Variants in ERO1B observed in about 807,000 individuals in gnomAD.
ERO1B encodes the protein endoplasmic reticulum oxidoreductase 1 beta.
ERO1B carries 49 observed loss-of-function variants against 75.3 expected under a neutral mutation model. That is an observed-to-expected ratio of 0.65 (90% CI 0.52 to 0.83). The LOEUF (loss-of-function observed/expected upper bound fraction) is 0.83. ERO1B is among the 40% of genes least tolerant of loss of function. ERO1B has a pLI of 0.00. For synonymous variants in ERO1B, 191 were observed against 192.9 expected (o/e 0.99, Z 0.08); for missense variants, 512 against 560.1 (o/e 0.91, Z 0.87).
chr1:236,233,263 C>T (rs1376493361), intron 8 of ERO1B, among the ~76,000 whole-genome samples: 3 of 149,896 alleles, frequency 2.0e-5, no homozygotes, highest in Middle Eastern at 7.0e-3. Flanking sequence ...GAGCCAAGAT[C>T]GCGCCATTGC....
intron 13 of ERO1B, 88 bp from the exon 14 acceptor site, chr1:236,222,098 T>A: frequency 1.0e-6 from 1 of 960,236 alleles, no homozygotes; most frequent in Non-Finnish European, 1.6e-6. Flanking sequence ...TGATGCTTAT[T>A]AATAAATCAG....
At chr1:236,223,202 CAAAAAAAAAAAAA>C (rs11322079) in intron 13 of ERO1B, among the ~76,000 whole-genome samples, 3 of 80,928 alleles carry the variant, frequency 3.7e-5, no homozygotes, top group African/African-American at 1.4e-4. Context: ...AACTCTGTCT[CAAAAAAAAAAAAA>C]AAAAAAAAAG....
intron 9 of ERO1B, among the ~76,000 whole-genome samples, chr1:236,231,429 G>A (rs1664404798): frequency 6.6e-6 from 1 of 150,806 alleles, no homozygotes; most frequent in South Asian, 2.1e-4. Flanking sequence ...CCAAAAAAAT[G>A]GTATGTGAGC....
chr1:236,253,837 G>A (rs1001342586), intron 2 of ERO1B, among the ~76,000 whole-genome samples: 6 of 152,138 alleles, frequency 3.9e-5, no homozygotes, highest in African/African-American at 7.2e-5. Context: ...GGTAGGCTAT[G>A]GGGGGAAAAT....
At position 236,270,706 on chromosome 1, in the gene ERO1B, C is replaced by A. The variant is rs1042323473; in HGVS notation, c.103-712G>T. ...GGAACTCATTGACTGATATGCACAA[C>A]CTGGATTTATCTTCCAGGAATTATC... On this transcript the variant is annotated intron_variant, in intron 1 of 15. Coordinates refer to ENST00000354619, the MANE Select transcript of ERO1B (RefSeq NM_019891.4). Among the ~76,000 whole-genome samples the A allele has an allele frequency of 2.0e-5, 3 of 152,138 alleles. No individual in the cohort carries two copies. In the East Asian group the frequency reaches 5.8e-4, roughly 29 times the overall value.
intron 1 of ERO1B, among the ~76,000 whole-genome samples, chr1:236,273,299 G>A (rs1665638829): frequency 1.3e-5 from 2 of 152,166 alleles, no homozygotes; most frequent in African/African-American, 4.8e-5. Flanking sequence ...ATGCAACCTT[G>A]CTGACATCTT....
chr1:236,262,316 T>A (rs1665310347), intron 2 of ERO1B, among the ~76,000 whole-genome samples: 1 of 152,212 alleles, frequency 6.6e-6, no homozygotes, highest in Admixed American at 6.5e-5. Context: ...GATCCTTACC[T>A]CATACAAAAA....
chr1:236,267,289 T>C (rs1204028776), intron 2 of ERO1B, among the ~76,000 whole-genome samples: 1 of 152,164 alleles, frequency 6.6e-6, no homozygotes, highest in Non-Finnish European at 1.5e-5. Flanking sequence ...AGCTACTTCA[T>C]ATCTTTTCTT....
chr1:236,257,569 AAAAG>A (rs1665186949), intron 2 of ERO1B, among the ~76,000 whole-genome samples: 3 of 151,796 alleles, frequency 2.0e-5, no homozygotes, highest in South Asian at 4.2e-4. Context: ...CCAAAAAAAA[AAAAG>A]AACAAGACAA....
intron 13 of ERO1B, among the ~76,000 whole-genome samples, chr1:236,222,265 G>A (rs577739808): frequency 1.9e-4 from 29 of 152,128 alleles, no homozygotes; most frequent in Admixed American, 1.0e-3. Context: ...GGCGCATGCC[G>A]CCATGCCCAG....
chr1:236,268,635 C>T (rs915701346), intron 2 of ERO1B, among the ~76,000 whole-genome samples: 1 of 152,004 alleles, frequency 6.6e-6, no homozygotes, highest in Non-Finnish European at 1.5e-5. Context: ...GCCTGTAATC[C>T]CAGCACTTTG....
chr1:236,222,059 C>A (rs868285287), intron 13 of ERO1B, 49 bp from the exon 14 acceptor site: 1 of 1,408,186 alleles, frequency 7.1e-7, no homozygotes, highest in Middle Eastern at 1.8e-4. Flanking sequence ...TAAAATTGAA[C>A]CGCATTTGGC....
At chr1:236,231,948 A>G (rs915701313) in intron 9 of ERO1B, among the ~76,000 whole-genome samples, 4 of 152,116 alleles carry the variant, frequency 2.6e-5, no homozygotes, top group African/African-American at 9.7e-5. Flanking sequence ...CTACCACTAA[A>G]AGGGTCTCTT....
chr1:236,243,139 G>A (rs929262913), intron 6 of ERO1B, among the ~76,000 whole-genome samples: 12 of 152,292 alleles, frequency 7.9e-5, no homozygotes, highest in Admixed American at 7.2e-4. Context: ...TTGCTATTGT[G>A]TGATCTTGGG....
At chr1:236,274,729 G>T (rs1467546657) in intron 1 of ERO1B, among the ~76,000 whole-genome samples, 1 of 140,062 alleles carries the variant, frequency 7.1e-6, no homozygotes, top group African/African-American at 2.5e-5. Flanking sequence ...AAGTGCTGGG[G>T]ATATAAAATT....
chr1:236,267,290 A>G (rs888738251), intron 2 of ERO1B, among the ~76,000 whole-genome samples: 1 of 152,108 alleles, frequency 6.6e-6, no homozygotes, highest in Non-Finnish European at 1.5e-5. Context: ...GCTACTTCAT[A>G]TCTTTTCTTA....
At chr1:236,236,439 CATTTATCTAAG>C in intron 6 of ERO1B, 41 bp from the exon 7 acceptor site, 1 of 1,606,600 alleles carries the variant, frequency 6.2e-7, no homozygotes, top group Admixed American at 1.7e-5. Flanking sequence ...CATATTTCAC[CATTTATCTAAG>C]ATTTAACAGT....
chr1:236,252,300 A>G (rs1160778233), intron 3 of ERO1B, among the ~76,000 whole-genome samples: 6 of 152,194 alleles, frequency 3.9e-5, no homozygotes, highest in African/African-American at 1.4e-4. Flanking sequence ...AAGTATAGAA[A>G]ACTGAATGAC....
In ERO1B at chr1:236,269,969, A is replaced by G; in HGVS notation, c.128T>C (p.Leu43Ser). Residue 43 changes from leucine to serine, a missense_variant, in exon 2 of 16, where the codon TTG (leucine) becomes TCG (serine). Physicochemically the swap from Leu to Ser is moderately radical, Grantham distance 145 (BLOSUM62 -2). Transcript: ENST00000354619. The part of the protein sequence containing the change: ...AQVTGVLDDC[L>S]CDIDSIDNFN... ...GTTATCGATGCTGTCAATATCACAC[A>G]AGCAATCATCCAGAACTCCAGTGAC... 1 of 1,603,014 alleles carries G rather than the reference A, an allele frequency of 6.2e-7. No individual in the cohort carries two copies. The highest frequency in any genetic ancestry group is 8.5e-7 in the Non-Finnish European group (1 of 1,170,904).
Sources: gnomAD v4.1 joint callset for allele counts (sites outside exome capture counted in the v4.1 genomes callset) on GRCh38, gnomAD v4.1.1 for gene constraint, MANE v1.5 for transcripts, NCBI Gene and HGNC (gene_info 2026-07-23, HGNC 2026-07-21) for gene names.